MGMT: variants seen among roughly 807,000 people sequenced by gnomAD.
The protein encoded by MGMT is O-6-methylguanine-DNA methyltransferase.
Under a neutral mutation model 15.9 loss-of-function variants are expected in MGMT, and 14 were observed. That is an observed-to-expected ratio of 0.88 (90% CI 0.58 to 1.37). MGMT has a LOEUF of 1.37. Among genes scored for constraint, MGMT ranks in the 40% most tolerant of loss-of-function variants. The pLI is 0.00. For synonymous variants in MGMT, 130 were observed against 118.2 expected (o/e 1.10, Z -0.65); for missense variants, 282 against 268.1 (o/e 1.05, Z -0.36).
intron 2 of MGMT, among the ~76,000 whole-genome samples, chr10:129,635,546 G>T (rs907181187): frequency 2.0e-5 from 3 of 152,096 alleles, no homozygotes; most frequent in Non-Finnish European, 4.4e-5. Flanking sequence ...TTGGTGAGAG[G>T]GTCAATCTTG....
intron 2 of MGMT, among the ~76,000 whole-genome samples, chr10:129,569,986 T>G (rs1046547671): frequency 6.6e-6 from 1 of 152,198 alleles, no homozygotes; most frequent in Non-Finnish European, 1.5e-5. Context: ...CATAATTGAG[T>G]GTAGACTAAC....
At chr10:129,656,902 G>A (rs1847530330) in intron 2 of MGMT, among the ~76,000 whole-genome samples, 1 of 152,056 alleles carries the variant, frequency 6.6e-6, no homozygotes, top group Non-Finnish European at 1.5e-5. Context: ...ATGCTGGGAG[G>A]AGGGTTTTTC....
chr10:129,575,953 TC>T (rs1327614828), intron 2 of MGMT, among the ~76,000 whole-genome samples: 7 of 152,286 alleles, frequency 4.6e-5, no homozygotes, highest in Non-Finnish European at 8.8e-5. Context: ...GATAAATTCC[TC>T]GACACATACA....
rs1254234687 is a variant in MGMT, at chr10:129,519,513, C to G, written c.-12-16728C>G. Among the ~76,000 whole-genome samples the G allele has an allele frequency of 2.0e-5, 3 of 152,160 alleles. No homozygotes were observed. The South Asian group carries it at 6.2e-4, about 32-fold the overall frequency. On this transcript the variant is annotated intron_variant, in intron 1 of 4. Coordinates refer to ENST00000651593, the MANE Select transcript of MGMT (RefSeq NM_002412.5). ...TGCGTGGCCTTGCGGTGAGATGGAGCCTGTCGCTCCAGGAGCACGAGACCT... is the reference window on the plus strand; with the variant it reads ...TGCGTGGCCTTGCGGTGAGATGGAGGCTGTCGCTCCAGGAGCACGAGACCT...
chr10:129,725,284 C>T (rs1848419606), intron 3 of MGMT, among the ~76,000 whole-genome samples: 1 of 152,224 alleles, frequency 6.6e-6, no homozygotes, highest in Non-Finnish European at 1.5e-5. Context: ...GCACAGGGTG[C>T]CCATCCTCAG....
intron 2 of MGMT, among the ~76,000 whole-genome samples, chr10:129,634,847 C>T (rs1847248026): frequency 1.3e-5 from 2 of 152,042 alleles, no homozygotes; most frequent in South Asian, 4.1e-4. Flanking sequence ...TCATATTTTC[C>T]TGCTTCTTTG....
At chr10:129,521,030 G>T (rs1467278145) in intron 1 of MGMT, among the ~76,000 whole-genome samples, 1 of 149,938 alleles carries the variant, frequency 6.7e-6, no homozygotes, top group East Asian at 1.9e-4. Flanking sequence ...GGCTTGCCCC[G>T]CCACCTGCTG....
intron 3 of MGMT, among the ~76,000 whole-genome samples, chr10:129,735,197 C>G (rs1848546175): frequency 6.6e-6 from 1 of 152,092 alleles, no homozygotes. Context: ...GTCCTGGACT[C>G]TTTTTGTTGA....
At chr10:129,651,792 AGT>A (rs2133098106) in intron 2 of MGMT, among the ~76,000 whole-genome samples, 1 of 152,336 alleles carries the variant, frequency 6.6e-6, no homozygotes, top group Non-Finnish European at 1.5e-5. Context: ...GGCCCTGCAG[AGT>A]GTGAGTTCTT....
intron 3 of MGMT, among the ~76,000 whole-genome samples, chr10:129,750,035 ATG>A (rs1352746795): frequency 6.6e-6 from 1 of 152,058 alleles, no homozygotes; most frequent in Non-Finnish European, 1.5e-5. Context: ...TTTTTCAGAT[ATG>A]TGTCTTACAT....
At chr10:129,634,663 T>A (rs1359226950) in intron 2 of MGMT, among the ~76,000 whole-genome samples, 1 of 152,166 alleles carries the variant, frequency 6.6e-6, no homozygotes, top group Non-Finnish European at 1.5e-5. Flanking sequence ...TTTTAGTTTT[T>A]AATTCTGAAA....
At chr10:129,644,553 T>A (rs558485862) in intron 2 of MGMT, among the ~76,000 whole-genome samples, 8 of 151,022 alleles carry the variant, frequency 5.3e-5, no homozygotes, top group Non-Finnish European at 1.0e-4. Context: ...AGTGCTTGGG[T>A]TCCCCCCCTG....
At chr10:129,676,733 A>G (rs549671989) in intron 2 of MGMT, among the ~76,000 whole-genome samples, 5 of 152,320 alleles carry the variant, frequency 3.3e-5, no homozygotes, top group African/African-American at 1.2e-4. Context: ...GAAATTTTCT[A>G]TCTCATTGGG....
intron 2 of MGMT, among the ~76,000 whole-genome samples, chr10:129,551,066 G>A (rs540634786): frequency 1.1e-3 from 163 of 152,268 alleles, no homozygotes; most frequent in Non-Finnish European, 2.0e-3. Context: ...TCAGAAACCC[G>A]AGGCCCAGAG....
chr10:129,474,912 G>A (rs1056612317), intron 1 of MGMT, among the ~76,000 whole-genome samples: 3 of 152,116 alleles, frequency 2.0e-5, no homozygotes, highest in African/African-American at 7.2e-5. Context: ...CTCCCCGTGT[G>A]GTAGGGAGAC....
intron 2 of MGMT, among the ~76,000 whole-genome samples, chr10:129,666,375 T>C (rs1847659145): frequency 6.6e-6 from 1 of 152,162 alleles, no homozygotes; most frequent in South Asian, 2.1e-4. Flanking sequence ...TTTGAGAAAA[T>C]TTATATTTCT....
intron 2 of MGMT, among the ~76,000 whole-genome samples, chr10:129,626,389 G>T (rs4751106): frequency 0.58 from 79,039 of 137,190 alleles, 21,061 homozygotes; most frequent in African/African-American, 0.67. Flanking sequence ...GTGAAGCCTG[G>T]GGAGTTCTTT....
intron 2 of MGMT, among the ~76,000 whole-genome samples, chr10:129,602,148 A>G (rs2133061975): frequency 6.6e-6 from 1 of 152,266 alleles, no homozygotes; most frequent in African/African-American, 2.4e-5. Flanking sequence ...AAATATTTTC[A>G]TTTTTATGTT....
chr10:129,603,378 G>T (rs1231413137), intron 2 of MGMT, among the ~76,000 whole-genome samples: 1 of 152,190 alleles, frequency 6.6e-6, no homozygotes, highest in Non-Finnish European at 1.5e-5. Context: ...GAGCGCGTTG[G>T]GTTGATAGCA....
Sources: gnomAD v4.1 joint callset for allele counts (sites outside exome capture counted in the v4.1 genomes callset) on GRCh38, gnomAD v4.1.1 for gene constraint, MANE v1.5 for transcripts, NCBI Gene and HGNC (gene_info 2026-07-23, HGNC 2026-07-21) for gene names.